Variants in PLEKHH3 observed in about 807,000 individuals in gnomAD.
The protein encoded by PLEKHH3 is pleckstrin homology, MyTH4 and FERM domain containing H3, also known as pleckstrin homology domain-containing family H member 3.
Under a neutral mutation model 77.8 loss-of-function variants are expected in PLEKHH3, and 57 were observed. That is an observed-to-expected ratio of 0.73 (90% confidence interval 0.59 to 0.91). The LOEUF (loss-of-function observed/expected upper bound fraction) is 0.91. Ranked by LOEUF, PLEKHH3 falls within the 40% of genes least tolerant of loss-of-function variation. PLEKHH3 has a pLI of 0.00. For missense variants in PLEKHH3, 1,082 were observed against 1,091.2 expected (o/e 0.99, Z 0.12); for synonymous variants, 467 against 504.8 (o/e 0.93, Z 1.00).
Position 42,673,389 on chromosome 17 carries a change from T to G in PLEKHH3, c.648+10A>C, listed in dbSNP as rs1300701306. ...GGTCCACCACTCTCCTGGCTCTCCC[T>G]GGTGTGTACCTGTATGTCCCTGAGC... On this transcript the variant is annotated intron_variant, in intron 5 of 12. Coordinates refer to ENST00000591022, the MANE Select transcript of PLEKHH3 (RefSeq NM_024927.5). 1 of 1,613,132 alleles carries G rather than the reference T, an allele frequency of 6.2e-7. No homozygotes were observed. The highest frequency in any genetic ancestry group is 8.5e-7 in the Non-Finnish European group (1 of 1,179,720).
chr17:42,669,812 T>C, intron 11 of PLEKHH3, 106 bp downstream of exon 11: 1 of 1,549,552 alleles, frequency 6.5e-7, no homozygotes, highest in Non-Finnish European at 8.7e-7. Context: ...GATGGGTAGC[T>C]GTTCTGGATG....
Position 42,670,201 on chromosome 17 carries a change from G to C in PLEKHH3, c.1730C>G (p.Thr577Ser). ...GGCAGCGGAAGGGGGCGGCCTGGGG[G>C]TCGGGCGGGGCGGGTCTTCGCGCGG... Reference protein sequence around the residue: ...APPREDPPRPTPRPPPSAALL... With the variant: ...APPREDPPRPSPRPPPSAALL... The change falls in exon 11 of 13, where the codon ACC becomes AGC. Residue 577 changes from threonine to serine, a missense_variant. Coordinates refer to ENST00000591022, the MANE Select transcript of PLEKHH3 (RefSeq NM_024927.5). 8.3e-7 allele frequency: 1 copy of C among 1,209,454 alleles called. No homozygotes were observed. The highest frequency in any genetic ancestry group is 4.0e-5 in the South Asian group (1 of 25,220). 74.9% of individuals were successfully genotyped at this position (1,209,454 alleles called of 1,614,324 possible). A position where few individuals can be genotyped will look rare whatever the true frequency, so the allele number is the denominator to read the frequency against.
Position 42,668,243 on chromosome 17 carries a change from A to G in PLEKHH3, c.2266T>C (p.Cys756Arg). The change falls in exon 13 of 13, where the codon TGC becomes CGC. Residue 756 changes from cysteine (C) to arginine (R), a missense_variant. Physicochemically the swap from Cys to Arg is radical, Grantham distance 180. Around this residue, in one of 3 missense-constraint regions of PLEKHH3, gnomAD observed 733 missense variants for 750.0 expected, o/e 0.98. Coordinates refer to ENST00000591022, the MANE Select transcript of PLEKHH3 (RefSeq NM_024927.5). ...TGGCATGGAGGAGAAGAGCTGCTGCAGGGCCTCTCGGGGGAGGGGTTGGCC... is the reference window on the plus strand; with the variant it reads ...TGGCATGGAGGAGAAGAGCTGCTGCGGGGCCTCTCGGGGGAGGGGTTGGCC... ...YLANPSPERPCSSSSPPCQDL... is the reference protein window; with the variant it reads ...YLANPSPERPRSSSSPPCQDL... 3 of 1,555,326 alleles carry G rather than the reference A, an allele frequency of 1.9e-6. No individual in the cohort carries two copies. Among genetic ancestry groups the G allele is most frequent in the African/African-American group, 2.9e-5 (2 of 69,670 alleles).
At position 42,669,551 on chromosome 17, in the gene PLEKHH3, G is replaced by A. The variant is rs1420487437; in HGVS notation, c.2084C>T (p.Pro695Leu). 1 of 1,612,090 alleles carries A rather than the reference G, an allele frequency of 6.2e-7. No homozygotes were observed. The highest frequency in any genetic ancestry group is 8.5e-7 in the Non-Finnish European group (1 of 1,179,062). The change falls in exon 12 of 13, where the codon CCA (proline) becomes CTA (leucine). Residue 695 changes from proline to leucine, a missense_variant. Pro to Leu is a moderately conservative substitution (Grantham distance 98, BLOSUM62 -3). Coordinates refer to ENST00000591022, the MANE Select transcript of PLEKHH3 (RefSeq NM_024927.5). ...LGAKAMSLSR[P>L]GETEPIHSVS... is the part of the protein sequence containing the mutation. ...ACTGTGGATGGGCTCCGTCTCCCCTGGCCGGGAGAGGGACATGGCCTTGGC... is the reference window on the plus strand; with the variant it reads ...ACTGTGGATGGGCTCCGTCTCCCCTAGCCGGGAGAGGGACATGGCCTTGGC...
At position 42,670,182 on chromosome 17, in the gene PLEKHH3, G is replaced by A; in HGVS notation, c.1749C>T (p.Ser583=). ...PPRPTPRPPP[S]AALLAGALWS... ...AGAGCGCCCCGGCCAGCAGGGCAGCGGAAGGGGGCGGCCTGGGGGTCGGGC... is the reference window on the plus strand; with the variant it reads ...AGAGCGCCCCGGCCAGCAGGGCAGCAGAAGGGGGCGGCCTGGGGGTCGGGC... Residue 583 remains serine (S), a synonymous_variant, in exon 11 of 13, where the codon TCC becomes TCT. Coordinates refer to ENST00000591022, the MANE Select transcript of PLEKHH3 (RefSeq NM_024927.5). The A allele has an allele frequency of 8.3e-7, 1 of 1,208,390 alleles. No homozygotes were observed. The highest frequency in any genetic ancestry group is 4.5e-5 in the Admixed American group (1 of 22,340). The allele number at this position is 1,208,390 out of a possible 1,614,324, so 74.9% of individuals were successfully genotyped here.
chr17:42,670,748 C>A, intron 9 of PLEKHH3, 43 bp from the exon 10 acceptor site: 1 of 1,587,742 alleles, frequency 6.3e-7, no homozygotes, highest in Non-Finnish European at 8.6e-7. Context: ...GAAGCCGGAC[C>A]CCTACGGCGA....
rs776063118 is a variant in PLEKHH3, at chr17:42,676,242, C to T, written c.162+160G>A. On this transcript the variant is annotated intron_variant, in intron 1 of 12. Coordinates refer to ENST00000591022, the MANE Select transcript of PLEKHH3 (RefSeq NM_024927.5). This position sits in a 1 kb window ranked among gnomAD's most constrained non-coding sequence, Gnocchi z 6.6. ...AGGCACATCCCGAGTAGGGCTGCTG[C>T]TCCGAGAGCTCCCGGGGGCTTTGGC... Among the ~76,000 whole-genome samples the T allele has an allele frequency of 2.6e-5, 4 of 152,264 alleles. No individual in the cohort carries two copies. Among genetic ancestry groups the T allele is most frequent in the Non-Finnish European group, 5.9e-5 (4 of 68,036 alleles).
Position 42,673,769 on chromosome 17 carries a change from A to G in PLEKHH3, c.364T>C (p.Phe122Leu). 1 of 1,596,358 alleles carries G rather than the reference A, an allele frequency of 6.3e-7. No homozygotes were observed. Among genetic ancestry groups the G allele is most frequent in the East Asian group, 2.2e-5 (1 of 44,608 alleles). ...RPWLPPRRAWFVLTRDSLDQF... is the reference protein window; with the variant it reads ...RPWLPPRRAWLVLTRDSLDQF... ...TCCAGGGAGTCCCGCGTGAGCACAAACCAGGCTCGGCGCGGGGGCAGCCAG... is the reference window on the plus strand; with the variant it reads ...TCCAGGGAGTCCCGCGTGAGCACAAGCCAGGCTCGGCGCGGGGGCAGCCAG... The change falls in exon 4 of 13, where the codon TTT (phenylalanine) becomes CTT (leucine). Residue 122 changes from phenylalanine to leucine, a missense_variant. By Grantham distance (22) the Phe-to-Leu change is conservative. Transcript: ENST00000591022.
intron 1 of PLEKHH3, among the ~76,000 whole-genome samples, 179 bp from the exon 2 acceptor site, chr17:42,674,588 A>G (rs1465212823): frequency 1.3e-5 from 2 of 152,226 alleles, no homozygotes; most frequent in Admixed American, 6.5e-5. Context: ...CAGTCTTAAC[A>G]GGACAAGCTC....
Position 42,672,383 on chromosome 17 carries a change from T to G in PLEKHH3, c.779A>C (p.Tyr260Ser), listed in dbSNP as rs1401823464. The G allele has an allele frequency of 1.3e-6, 2 of 1,525,594 alleles. No homozygotes were observed. Among genetic ancestry groups the G allele is most frequent in the African/African-American group, 1.4e-5 (1 of 72,614 alleles). The allele number at this position is 1,525,594 out of a possible 1,614,324, so 94.5% of individuals were successfully genotyped here. Reference protein sequence around the residue: ...PYGVSAPGPGYAPLREEAVRL... With the variant: ...PYGVSAPGPGSAPLREEAVRL... ...CACCGCCTCCTCGCGCAGGGGTGCA[T>G]AGCCCGGACCTGTGGGAGGGTGGGG... The change falls in exon 7 of 13, where the codon TAT becomes TCT. Residue 260 changes from tyrosine (Y) to serine (S), a missense_variant. Around this residue, in one of 3 missense-constraint regions of PLEKHH3, gnomAD observed 733 missense variants for 750.0 expected, o/e 0.98. Coordinates refer to ENST00000591022, the MANE Select transcript of PLEKHH3 (RefSeq NM_024927.5).
At chr17:42,669,805 G>A (rs1317185823) in intron 11 of PLEKHH3, 113 bp downstream of exon 11, 1 of 1,542,992 alleles carries the variant, frequency 6.5e-7, no homozygotes, top group Middle Eastern at 1.7e-4. Flanking sequence ...GGTTTGAGAT[G>A]GGTAGCTGTT....
In PLEKHH3 at chr17:42,673,482, G is replaced by A. The variant is rs754118190; in HGVS notation, c.565C>T (p.Arg189Cys). 7 of 1,611,334 alleles carry A rather than the reference G, an allele frequency of 4.3e-6. No homozygotes were observed. Among genetic ancestry groups the A allele is most frequent in the Non-Finnish European group, 5.9e-6 (7 of 1,179,166 alleles). The change falls in exon 5 of 13, where the codon CGC (arginine) becomes TGC (cysteine). Residue 189 changes from arginine (R) to cysteine (C), a missense_variant. Around this residue, in one of 3 missense-constraint regions of PLEKHH3, gnomAD observed 344 missense variants for 320.8 expected, o/e 1.07. Coordinates refer to ENST00000591022, the MANE Select transcript of PLEKHH3 (RefSeq NM_024927.5). Reference sequence around the variant, plus strand: ...ACTTCCCGCAATGCCACCCCCCAGCGCTCAGCCTCTGCCTGGCGTGGGGAG... The same window carrying A: ...ACTTCCCGCAATGCCACCCCCCAGCACTCAGCCTCTGCCTGGCGTGGGGAG... ...LCSPRQAEAE[R>C]WGVALREVIA...
chr17:42,670,996 C>T lies in PLEKHH3; in HGVS notation c.1419G>A (p.Glu473=). 1 of 1,609,536 alleles carries T rather than the reference C, an allele frequency of 6.2e-7. No homozygotes were observed. Among genetic ancestry groups the T allele is most frequent in the Non-Finnish European group, 8.5e-7 (1 of 1,178,892 alleles). Residue 473 remains glutamate, a splice_region_variant and synonymous_variant, in exon 9 of 13, where the codon GAG becomes GAA. Transcript: ENST00000591022. Reference sequence around the variant, plus strand: ...CAGGGCTGGGGCTGGACATTTACTTCTCAAACCTGGTGAGCACGTCGGCCA... The same window carrying T: ...CAGGGCTGGGGCTGGACATTTACTTTTCAAACCTGGTGAGCACGTCGGCCA... ...TLVADVLTRF[E]NLAAEEAGLE...
rs765686816 is a variant in PLEKHH3, at chr17:42,669,407, C to T, written c.2205+23G>A. ...ACATCGCTTCCCTTCTCTCCTCCTCCCACAACTCCTCTTCTCACTCACCTG... is the reference window on the plus strand; with the variant it reads ...ACATCGCTTCCCTTCTCTCCTCCTCTCACAACTCCTCTTCTCACTCACCTG... On this transcript the variant is annotated intron_variant, in intron 12 of 12. Coordinates refer to ENST00000591022, the MANE Select transcript of PLEKHH3 (RefSeq NM_024927.5). 10 of 1,504,930 alleles carry T rather than the reference C, an allele frequency of 6.6e-6. No individual in the cohort carries two copies. The highest frequency in any genetic ancestry group is 1.4e-5 in the African/African-American group (1 of 71,588). The allele number at this position is 1,504,930 out of a possible 1,614,324, so 93.2% of individuals were successfully genotyped here.
Position 42,673,774 on chromosome 17 carries a change from G to A in PLEKHH3, c.359C>T (p.Ala120Val). ...GARPWLPPRR[A>V]WFVLTRDSLD... ...GGAGTCCCGCGTGAGCACAAACCAG[G>A]CTCGGCGCGGGGGCAGCCAGGGCCG... Residue 120 changes from alanine (A) to valine (V), a missense_variant, in exon 4 of 13, where the codon GCC becomes GTC. Ala to Val is a moderately conservative substitution (Grantham distance 64, BLOSUM62 0). Coordinates refer to ENST00000591022, the MANE Select transcript of PLEKHH3 (RefSeq NM_024927.5). The A allele has an allele frequency of 6.3e-7, 1 of 1,594,832 alleles. No homozygotes were observed. The highest frequency in any genetic ancestry group is 8.5e-7 in the Non-Finnish European group (1 of 1,176,976).
chr17:42,670,087 C>T lies in PLEKHH3; in HGVS notation c.1844G>A (p.Ser615Asn), dbSNP rs1310721513. The change falls in exon 11 of 13, where the codon AGC (serine) becomes AAC (asparagine). Residue 615 changes from serine (S) to asparagine (N), a missense_variant. Transcript: ENST00000591022. ...RRGGAGRTAG[S>N]IAREGGGGAG... ...GCCGCCTCCTCCCTCGCGGGCAATG[C>T]TTCCCGCAGTGCGGCCGGCCCCGCC... The T allele has an allele frequency of 7.9e-6, 11 of 1,397,056 alleles. No individual in the cohort carries two copies. In the African/African-American group the frequency reaches 1.1e-4, roughly 14 times the overall value. 86.5% of individuals were successfully genotyped at this position (1,397,056 alleles called of 1,614,324 possible). A position where few individuals can be genotyped will look rare whatever the true frequency, so the allele number is the denominator to read the frequency against.
rs1037199165 is a variant in PLEKHH3, at chr17:42,672,385, G to T, written c.777C>A (p.Gly259=). Residue 259 remains glycine (G), a synonymous_variant, in exon 7 of 13, where the codon GGC becomes GGA. Coordinates refer to ENST00000591022, the MANE Select transcript of PLEKHH3 (RefSeq NM_024927.5). ...CCGCCTCCTCGCGCAGGGGTGCATA[G>T]CCCGGACCTGTGGGAGGGTGGGGGC... ...LPYGVSAPGP[G]YAPLREEAVR... is the part of the protein sequence containing the mutation. The T allele has an allele frequency of 6.6e-6, 10 of 1,515,260 alleles. No individual in the cohort carries two copies. The highest frequency in any genetic ancestry group is 8.8e-6 in the Non-Finnish European group (10 of 1,132,568). The allele number at this position is 1,515,260 out of a possible 1,614,324, so 93.9% of individuals were successfully genotyped here. A position where few individuals can be genotyped will look rare whatever the true frequency, so the allele number is the denominator to read the frequency against.
intron 6 of PLEKHH3, 99 bp from the exon 7 acceptor site, chr17:42,672,491 A>C: frequency 3.0e-5 from 27 of 890,078 alleles, no homozygotes; most frequent in East Asian, 9.5e-5. Context: ...AGGGAATATA[A>C]GGGGATGGGG....
Position 42,671,973 on chromosome 17 carries a change from CTG to C in PLEKHH3, c.1076+111_1076+112del. ...GGATCTTGTATCTCCCACAAAGGCA[CTG>C]TATGTATTACTCGGTTCTTTACCTA... On this transcript the variant is annotated intron_variant, in intron 7 of 12. Coordinates refer to ENST00000591022, the MANE Select transcript of PLEKHH3 (RefSeq NM_024927.5). This position sits in a 1 kb window ranked among gnomAD's most constrained non-coding sequence, Gnocchi z 4.7. The C allele has an allele frequency of 1.2e-6, 1 of 869,562 alleles. No homozygotes were observed. The highest frequency in any genetic ancestry group is 1.7e-6 in the Non-Finnish European group (1 of 579,628). The allele number at this position is 869,562 out of a possible 1,614,324, so 53.9% of individuals were successfully genotyped here. A position where few individuals can be genotyped will look rare whatever the true frequency, so the allele number is the denominator to read the frequency against.
Sources: allele counts gnomAD v4.1 joint callset (sites outside exome capture counted in the v4.1 genomes callset), GRCh38; gene constraint gnomAD v4.1.1; regional missense constraint gnomAD v4.1.1; non-coding constraint Gnocchi (gnomAD v3.1); transcripts MANE v1.5; gene names NCBI Gene and HGNC (gene_info 2026-07-23, HGNC 2026-07-21).